SPMIP4: variants seen among roughly 807,000 people sequenced by gnomAD.
SPMIP4 encodes the protein sperm-associated microtubule inner protein 4.
At chr7:25,127,154 T>G in the SPMIP4 span, among the ~76,000 whole-genome samples, 38 of 152,342 alleles carry the variant, frequency 2.5e-4, 1 homozygote, top group South Asian at 5.8e-3. Context: ...TATTAAATGT[T>G]TTGGGGTGTC....
chr7:25,139,997 A>G, the SPMIP4 span, among the ~76,000 whole-genome samples: 2 of 152,196 alleles, frequency 1.3e-5, no homozygotes, highest in African/African-American at 4.8e-5. Flanking sequence ...TTGCACAATG[A>G]TTTTGCATAT....
chr7:25,162,349 G>A, the SPMIP4 span, among the ~76,000 whole-genome samples: 25 of 150,530 alleles, frequency 1.7e-4, no homozygotes, highest in South Asian at 6.3e-4. Flanking sequence ...AGACAAAACC[G>A]TAGAAGTTCA....
At chr7:25,136,421 A>G in the SPMIP4 span, 5 of 1,614,172 alleles carry the variant, frequency 3.1e-6, no homozygotes, top group Non-Finnish European at 4.2e-6. The surrounding 1 kb of genome is among the most constrained non-coding windows in gnomAD (Gnocchi z 5.7). Context: ...TGTCTCCAGT[A>G]TAAATCTTCT....
chr7:25,151,958 G>C, the SPMIP4 span, among the ~76,000 whole-genome samples: 9 of 152,266 alleles, frequency 5.9e-5, no homozygotes, highest in South Asian at 1.0e-3. Context: ...GGGACTACAG[G>C]GCAGGGCAGG....
At chr7:25,168,771 G>C in the SPMIP4 span, among the ~76,000 whole-genome samples, 2 of 150,908 alleles carry the variant, frequency 1.3e-5, no homozygotes, top group African/African-American at 4.9e-5. Context: ...TGTTGCCCAG[G>C]CTGGAGTGCA....
chr7:25,137,526 G>C, the SPMIP4 span, among the ~76,000 whole-genome samples: 1 of 152,056 alleles, frequency 6.6e-6, no homozygotes, highest in Admixed American at 6.6e-5. Context: ...CAGCCTCAGT[G>C]TATTGGCAGG....
chr7:25,145,967 A>C, the SPMIP4 span, among the ~76,000 whole-genome samples: 1 of 152,192 alleles, frequency 6.6e-6, no homozygotes, highest in Non-Finnish European at 1.5e-5. Context: ...ATGGGGCTTA[A>C]CCAGGTTAAA....
chr7:25,128,215 CT>C, the SPMIP4 span, among the ~76,000 whole-genome samples: 2 of 152,196 alleles, frequency 1.3e-5, no homozygotes, highest in Non-Finnish European at 1.5e-5. The surrounding 1 kb of genome is among the most constrained non-coding windows in gnomAD (Gnocchi z 4.5). Context: ...GCTACAGTAG[CT>C]TATGTTTCCT....
At chr7:25,138,618 AAG>A in the SPMIP4 span, among the ~76,000 whole-genome samples, 2 of 152,260 alleles carry the variant, frequency 1.3e-5, no homozygotes, top group African/African-American at 2.4e-5. This position sits in a 1 kb window ranked among gnomAD's most constrained non-coding sequence, Gnocchi z 6.2. Flanking sequence ...TATAATCAAA[AAG>A]AGAGAAATAA....
At chr7:25,170,079 T>C in the SPMIP4 span, among the ~76,000 whole-genome samples, 1 of 152,228 alleles carries the variant, frequency 6.6e-6, no homozygotes, top group African/African-American at 2.4e-5. Context: ...GTGGGTCATA[T>C]GGTGATTCTG....
At chr7:25,168,353 C>T in the SPMIP4 span, 2 of 1,613,324 alleles carry the variant, frequency 1.2e-6, no homozygotes, top group Non-Finnish European at 8.5e-7. Context: ...CGAGGAGGCT[C>T]ATACTTTGGC....
the SPMIP4 span, among the ~76,000 whole-genome samples, chr7:25,171,949 C>T: frequency 6.6e-6 from 1 of 152,162 alleles, no homozygotes; most frequent in East Asian, 1.9e-4. Flanking sequence ...CTATAAGGCA[C>T]TTTGCAGGAC....
chr7:25,178,434 A>G, the SPMIP4 span, among the ~76,000 whole-genome samples: 3 of 152,244 alleles, frequency 2.0e-5, no homozygotes, highest in Admixed American at 2.0e-4. Context: ...ATCATAATGT[A>G]TAATTAATGT....
the SPMIP4 span, chr7:25,168,434 A>G: frequency 3.9e-5 from 63 of 1,603,160 alleles, no homozygotes; most frequent in East Asian, 1.1e-4. Context: ...GGAAGCCTAC[A>G]TTGTTGAAGT....
the SPMIP4 span, chr7:25,134,817 A>C: frequency 1.0e-6 from 1 of 985,422 alleles, no homozygotes; most frequent in African/African-American, 1.7e-5. Context: ...ATTGCATTAC[A>C]TATTAAAGGC....
chr7:25,152,533 C>T, the SPMIP4 span, among the ~76,000 whole-genome samples: 2 of 152,078 alleles, frequency 1.3e-5, no homozygotes, highest in African/African-American at 2.4e-5. Context: ...ACTGTTATTC[C>T]AACTTTAGTG....
the SPMIP4 span, among the ~76,000 whole-genome samples, chr7:25,149,526 G>A: frequency 6.6e-6 from 1 of 152,196 alleles, no homozygotes; most frequent in African/African-American, 2.4e-5. Flanking sequence ...GATTAAGAAA[G>A]TGGGATTAAT....
At chr7:25,136,921 C>G in the SPMIP4 span, 949 of 850,182 alleles carry the variant, frequency 1.1e-3, 9 homozygotes, top group African/African-American at 0.015. This position sits in a 1 kb window ranked among gnomAD's most constrained non-coding sequence, Gnocchi z 5.7. Context: ...CATTGCAATG[C>G]TCTTTGATAC....
chr7:25,148,303 G>T, the SPMIP4 span, among the ~76,000 whole-genome samples: 2 of 152,198 alleles, frequency 1.3e-5, no homozygotes, highest in Admixed American at 6.5e-5. Flanking sequence ...GCCTGGTGTG[G>T]TCGTGCACAG....
Sources: gnomAD v4.1 joint callset for allele counts (sites outside exome capture counted in the v4.1 genomes callset) on GRCh38, gnomAD v4.1.1 for gene constraint, Gnocchi (gnomAD v3.1) non-coding constraint, MANE v1.5 for transcripts, NCBI Gene and HGNC (gene_info 2026-07-23, HGNC 2026-07-21) for gene names.